The following FBXO34 variants were observed in gnomAD, a reference collection of about 807,000 sequenced individuals.
FBXO34 encodes the protein F-box protein 34.
FBXO34 carries 12 observed loss-of-function variants against 24.5 expected under a neutral mutation model. The ratio of observed to expected loss-of-function variants is 0.49; its 90% CI spans 0.31 to 0.79. The LOEUF is 0.79. Ranked by LOEUF, FBXO34 falls within the 30% of genes least tolerant of loss-of-function variation. The pLI, the probability that FBXO34 is intolerant of heterozygous loss-of-function variation, is 0.04. For synonymous variants in FBXO34, 320 were observed against 311.9 expected (o/e 1.03, Z -0.27); for missense variants, 823 against 857.7 (o/e 0.96, Z 0.51).
At chr14:55,356,403 T>G (rs1365315636), downstream of FBXO34, among the ~76,000 whole-genome samples, 2 of 152,212 alleles carry the variant, frequency 1.3e-5, no homozygotes, top group Non-Finnish European at 2.9e-5. Flanking sequence ...AAAGGCATTC[T>G]CTACTGTGCA....
At chr14:55,288,384 A>G (rs1594727786) in intron 1 of FBXO34, among the ~76,000 whole-genome samples, 2 of 152,250 alleles carry the variant, frequency 1.3e-5, no homozygotes, top group East Asian at 1.9e-4. Flanking sequence ...ATAGCTGGGA[A>G]AAAATAGTCC....
In FBXO34 at chr14:55,352,051, T is replaced by G; in HGVS notation, c.1661T>G (p.Val554Gly). 6.2e-7 allele frequency: 1 copy of G among 1,614,200 alleles called. No individual in the cohort carries two copies. Among genetic ancestry groups the G allele is most frequent in the Non-Finnish European group, 8.5e-7 (1 of 1,180,028 alleles). Reference protein sequence around the residue: ...VLEASSWKKQVSHDFLETRFK... With the variant: ...VLEASSWKKQGSHDFLETRFK... The stretch of plus-strand genomic sequence containing the variant: ...GAGGCATCCAGTTGGAAGAAGCAGG[T>G]GTCGCATGACTTCCTGGAGACCAGG... The change falls in exon 2 of 2, where the codon GTG (valine) becomes GGG (glycine). Residue 554 changes from valine (V) to glycine (G), a missense_variant. By Grantham distance (109) the Val-to-Gly change is moderately radical. Coordinates refer to ENST00000313833, the MANE Select transcript of FBXO34 (RefSeq NM_017943.4).
At chr14:55,394,986 C>A in the FBXO34 span, 1 of 443,674 alleles carries the variant, frequency 2.3e-6, no homozygotes, top group Non-Finnish European at 4.5e-6. Flanking sequence ...GGGCTCTCCT[C>A]AGTTTTAGTT....
the FBXO34 span, chr14:55,437,081 G>T: frequency 6.9e-7 from 1 of 1,441,836 alleles, no homozygotes; most frequent in South Asian, 1.2e-5. Flanking sequence ...TTACACAAAA[G>T]GGATGTCACT....
At chr14:55,273,026 CTT>C (rs1410638510) in intron 1 of FBXO34, among the ~76,000 whole-genome samples, 3 of 152,214 alleles carry the variant, frequency 2.0e-5, no homozygotes, top group Admixed American at 6.5e-5. Context: ...CATATCAGTA[CTT>C]TTCATTTCCT....
At chr14:55,426,362 G>A in the FBXO34 span, among the ~76,000 whole-genome samples, 1 of 152,082 alleles carries the variant, frequency 6.6e-6, no homozygotes, top group East Asian at 1.9e-4. Flanking sequence ...CAGAGAAAGT[G>A]CCTGGTAACA....
the FBXO34 span, among the ~76,000 whole-genome samples, chr14:55,427,115 G>A: frequency 2.4e-4 from 37 of 152,172 alleles, no homozygotes; most frequent in Non-Finnish European, 4.7e-4. Flanking sequence ...TTAAGCACTG[G>A]GAGACTCTTA....
At chr14:55,370,317 G>T, downstream of FBXO34, among the ~76,000 whole-genome samples, 1 of 152,178 alleles carries the variant, frequency 6.6e-6, no homozygotes. Context: ...GCCACTTGAT[G>T]TATACTCTGG....
At chr14:55,294,168 C>G (rs1045480699) in intron 1 of FBXO34, among the ~76,000 whole-genome samples, 10 of 152,108 alleles carry the variant, frequency 6.6e-5, no homozygotes, top group African/African-American at 2.2e-4. Context: ...GCAGTTACCT[C>G]CTTGAAACAT....
At chr14:55,405,984 G>A in the FBXO34 span, among the ~76,000 whole-genome samples, 1 of 152,128 alleles carries the variant, frequency 6.6e-6, no homozygotes. Flanking sequence ...GATGATGTGG[G>A]TGAGGATACC....
chr14:55,401,230 T>C, the FBXO34 span, among the ~76,000 whole-genome samples: 3 of 148,008 alleles, frequency 2.0e-5, no homozygotes, highest in African/African-American at 8.0e-5. Context: ...ATTTTTCTTG[T>C]TATTTCCCTA....
intron 1 of FBXO34, among the ~76,000 whole-genome samples, chr14:55,334,290 T>C (rs1883697228): frequency 2.0e-5 from 3 of 152,160 alleles, no homozygotes; most frequent in Non-Finnish European, 4.4e-5. Flanking sequence ...CTTCCAGTTA[T>C]GAGATGCTTG....
intron 3 of FBXO34, among the ~76,000 whole-genome samples, chr14:55,359,471 CTAAA>C (rs1356146506): frequency 3.3e-5 from 5 of 152,136 alleles, no homozygotes; most frequent in Non-Finnish European, 7.4e-5. Flanking sequence ...AGCATTATGT[CTAAA>C]AAACAATGTA....
chr14:55,350,545 C>A lies in FBXO34; in HGVS notation c.155C>A (p.Ser52Tyr). 1 of 1,613,620 alleles carries A rather than the reference C, an allele frequency of 6.2e-7. No individual in the cohort carries two copies. Among genetic ancestry groups the A allele is most frequent in the Non-Finnish European group, 8.5e-7 (1 of 1,179,898 alleles). The change falls in exon 2 of 2, where the codon TCT (serine) becomes TAT (tyrosine). Residue 52 changes from serine (S) to tyrosine (Y), a missense_variant. Transcript: ENST00000313833. ...ACATCAAGTGTCTTTCCTTCAGCCT[C>A]TCTCGGTAAAGCATCATCTCGAAAG... is the stretch of plus-strand genomic sequence containing the variant. ...HITSSVFPSA[S>Y]LGKASSRKPF...
exon 4 of FBXO34, chr14:55,361,880 C>A (rs1884599412): frequency 2.6e-5 from 4 of 152,190 alleles, no homozygotes; most frequent in Admixed American, 2.0e-4. Flanking sequence ...TGGCTGGTTT[C>A]ATCTATCTAG....
chr14:55,330,747 C>T (rs184413068), intron 1 of FBXO34, among the ~76,000 whole-genome samples: 24 of 152,264 alleles, frequency 1.6e-4, no homozygotes, highest in Admixed American at 3.3e-4. Flanking sequence ...GCAGTGATCA[C>T]GCCACTGCAC....
intron 1 of FBXO34, among the ~76,000 whole-genome samples, chr14:55,344,790 C>T (rs1594763508): frequency 6.6e-6 from 1 of 151,494 alleles, no homozygotes; most frequent in African/African-American, 2.4e-5. Flanking sequence ...TCTCATTGTT[C>T]AACTCCCACA....
At chr14:55,282,484 C>A in intron 1 of FBXO34, 1 of 235,122 alleles carries the variant, frequency 4.3e-6, no homozygotes, top group South Asian at 6.3e-5. Flanking sequence ...GGCACAAACC[C>A]CTCGAAGTCT....
chr14:55,352,555 G>T lies in FBXO34; in HGVS notation c.*29G>T. On this transcript the variant is annotated 3_prime_UTR_variant, in exon 2 of 2. Coordinates refer to ENST00000313833, the MANE Select transcript of FBXO34 (RefSeq NM_017943.4). ...CCATGTGAGAGGCAACAAAAGGACC[G>T]GTTTCTAAAGCTGCAAAACACCTAG... The T allele has an allele frequency of 6.5e-7, 1 of 1,547,456 alleles. No individual in the cohort carries two copies. Among genetic ancestry groups the T allele is most frequent in the Admixed American group, 1.9e-5 (1 of 51,660 alleles).
Sources: allele counts gnomAD v4.1 joint callset (sites outside exome capture counted in the v4.1 genomes callset), GRCh38; gene constraint gnomAD v4.1.1; transcripts MANE v1.5; gene names NCBI Gene and HGNC (gene_info 2026-07-23, HGNC 2026-07-21).